Variants in XRCC4 observed in about 807,000 individuals in gnomAD.
XRCC4 encodes the protein DNA repair protein XRCC4.
A neutral mutation model predicts 39.1 loss-of-function variants in XRCC4; 28 were observed. The observed-to-expected ratio is 0.72, with a 90% CI of 0.53 to 0.98. The LOEUF (loss-of-function observed/expected upper bound fraction) is 0.98. Among genes scored for constraint, XRCC4 ranks in the 50% least tolerant of loss-of-function variants. The pLI is 0.00. For missense variants in XRCC4, 350 were observed against 376.4 expected, an observed-to-expected ratio of 0.93 and a Z score of 0.58; for synonymous variants, 123 against 126.4, an observed-to-expected ratio of 0.97 and a Z score of 0.18.
chr5:83,305,876 C>T (rs890408589), intron 7 of XRCC4, among the ~76,000 whole-genome samples: 5 of 152,010 alleles, frequency 3.3e-5, no homozygotes, highest in African/African-American at 1.2e-4. Context: ...ATTTTTTAAA[C>T]GAAAAATATC....
chr5:83,079,788 C>A (rs778870397), intron 1 of XRCC4, among the ~76,000 whole-genome samples: 1 of 152,128 alleles, frequency 6.6e-6, no homozygotes, highest in Non-Finnish European at 1.5e-5. Flanking sequence ...CCCGCCTCGG[C>A]CTCCCAAAGT....
intron 1 of XRCC4, among the ~76,000 whole-genome samples, chr5:83,092,093 T>C (rs572868007): frequency 1.3e-5 from 2 of 152,302 alleles, no homozygotes; most frequent in East Asian, 3.9e-4. Context: ...TTAATTTCTA[T>C]CTCCCTAATG....
chr5:83,113,146 G>A (rs1027774440), intron 3 of XRCC4, among the ~76,000 whole-genome samples: 6 of 152,092 alleles, frequency 3.9e-5, no homozygotes, highest in African/African-American at 1.4e-4. Flanking sequence ...ACAGGCATTG[G>A]GTAAACATAC....
Position 83,132,375 on chromosome 5 carries a change from C to G in XRCC4, c.315+21172C>G, listed in dbSNP as rs148948892. On this transcript the variant is annotated intron_variant, in intron 3 of 7. Coordinates refer to ENST00000396027, the MANE Select transcript of XRCC4 (RefSeq NM_003401.5). ...TTATGTGTCTTGGTGTTGCTGTTCT[C>G]GAGGAGTATCTTTGTGACGTTGTCT... Among the ~76,000 whole-genome samples the G allele has an allele frequency of 1.6e-4, 25 of 152,034 alleles. No individual in the cohort carries two copies. The South Asian group carries it at 2.3e-3, about 14-fold the overall frequency.
At chr5:83,238,970 A>T (rs1216875402) in intron 6 of XRCC4, among the ~76,000 whole-genome samples, 1 of 152,208 alleles carries the variant, frequency 6.6e-6, no homozygotes, top group Non-Finnish European at 1.5e-5. Context: ...TTTAGAAAAG[A>T]TGTTTAATTC....
chr5:83,212,733 A>C (rs1449142886), intron 6 of XRCC4, among the ~76,000 whole-genome samples: 6 of 151,670 alleles, frequency 4.0e-5, no homozygotes, highest in Non-Finnish European at 8.8e-5. Flanking sequence ...TTCGAGACTG[A>C]CCTGGCCAAC....
intron 7 of XRCC4, among the ~76,000 whole-genome samples, chr5:83,304,522 T>C (rs1006731069): frequency 6.6e-6 from 1 of 152,218 alleles, no homozygotes; most frequent in African/African-American, 2.4e-5. Flanking sequence ...ACTACAAATG[T>C]CTTTTGACAT....
At chr5:83,371,482 TAAAC>T in the XRCC4 span, among the ~76,000 whole-genome samples, 6 of 152,146 alleles carry the variant, frequency 3.9e-5, no homozygotes, top group African/African-American at 1.4e-4. Context: ...ATAATGGAAA[TAAAC>T]AAGAAAACAT....
chr5:83,351,260 TC>T (rs1757074469), intron 7 of XRCC4, among the ~76,000 whole-genome samples: 2 of 152,182 alleles, frequency 1.3e-5, no homozygotes, highest in South Asian at 2.1e-4. Context: ...AAACCTCTTT[TC>T]TTTATAAATT....
rs375713066 is a variant in XRCC4 at position 83,329,262 on chromosome 5, C to T, written c.894-23869C>T. The stretch of plus-strand genomic sequence containing the variant: ...CTTAAATAAGGCTGAAAGAGTGCAA[C>T]CCCACAAAAGAAAAATGTATAAATT... On this transcript the variant is annotated intron_variant, in intron 7 of 7. Transcript: ENST00000396027. 2.6e-3 allele frequency among the ~76,000 whole-genome samples: 389 copies of T among 152,004 alleles called. 2 individuals carry two copies. Among genetic ancestry groups the T allele is most frequent in the African/African-American group, 9.0e-3 (373 of 41,474 alleles).
intron 3 of XRCC4, among the ~76,000 whole-genome samples, chr5:83,157,007 A>C (rs1453021719): frequency 6.6e-6 from 1 of 151,676 alleles, no homozygotes; most frequent in African/African-American, 2.4e-5. Flanking sequence ...CCCTCCTTTC[A>C]TTTTTAGAAA....
intron 3 of XRCC4, among the ~76,000 whole-genome samples, chr5:83,130,971 C>T (rs1747545374): frequency 6.6e-6 from 1 of 152,098 alleles, no homozygotes; most frequent in Non-Finnish European, 1.5e-5. Context: ...TTATCTCCTT[C>T]AATTCTGCTC....
the XRCC4 span, among the ~76,000 whole-genome samples, chr5:83,359,263 T>G: frequency 2.6e-5 from 4 of 152,092 alleles, no homozygotes; most frequent in African/African-American, 9.7e-5. Flanking sequence ...CTGCTATTGA[T>G]ATAGGGCTCA....
At chr5:83,130,557 T>A (rs912372882) in intron 3 of XRCC4, among the ~76,000 whole-genome samples, 7 of 152,284 alleles carry the variant, frequency 4.6e-5, no homozygotes, top group African/African-American at 1.7e-4. Context: ...CCAGCTCCTC[T>A]TTGTACCTCT....
At chr5:83,189,274 T>G (rs1468249948) in intron 3 of XRCC4, among the ~76,000 whole-genome samples, 7 of 151,392 alleles carry the variant, frequency 4.6e-5, no homozygotes, top group Non-Finnish European at 1.0e-4. Flanking sequence ...TAGACTTTTG[T>G]GGAGTTTTTT....
At chr5:83,302,257 CA>C (rs778098766) in intron 7 of XRCC4, among the ~76,000 whole-genome samples, 1,542 of 133,664 alleles carry the variant, frequency 0.012, 8 homozygotes, top group Admixed American at 0.036. Context: ...AATGGGGTAC[CA>C]AAAAAAAAAA....
chr5:83,235,560 T>C (rs1012050477), intron 6 of XRCC4, among the ~76,000 whole-genome samples: 2 of 152,042 alleles, frequency 1.3e-5, no homozygotes, highest in South Asian at 4.1e-4. Context: ...AGAAGGAATA[T>C]ACCTTAACGT....
At chr5:83,322,050 A>G (rs1756093832) in intron 7 of XRCC4, among the ~76,000 whole-genome samples, 1 of 151,394 alleles carries the variant, frequency 6.6e-6, no homozygotes, top group African/African-American at 2.4e-5. Context: ...TTTTAATTGG[A>G]AAAGTAATGA....
rs747178672 is a variant in XRCC4, at chr5:83,104,931, A to C, written c.12A>C (p.Lys4Asn). 6.2e-7 allele frequency: 1 copy of C among 1,613,232 alleles called. No individual in the cohort carries two copies. The highest frequency in any genetic ancestry group is 1.1e-5 in the South Asian group (1 of 91,024). Reference protein sequence around the residue: MERKISRIHLVSEP... With the variant: MERNISRIHLVSEP... Reference sequence around the variant, plus strand: ...ACAGGTATTAAGAAATGGAGAGAAAAATAAGCAGAATCCACCTTGTTTCTG... The same window carrying C: ...ACAGGTATTAAGAAATGGAGAGAAACATAAGCAGAATCCACCTTGTTTCTG... The change falls in exon 2 of 8, where the codon AAA becomes AAC. Residue 4 changes from lysine (K) to asparagine (N), a missense_variant. Physicochemically the swap from Lys to Asn is moderately conservative, Grantham distance 94. Coordinates refer to ENST00000396027, the MANE Select transcript of XRCC4 (RefSeq NM_003401.5).
Sources: allele counts gnomAD v4.1 joint callset (sites outside exome capture counted in the v4.1 genomes callset), GRCh38; gene constraint gnomAD v4.1.1; transcripts MANE v1.5; gene names NCBI Gene and HGNC (gene_info 2026-07-23, HGNC 2026-07-21).